Variants in FIG4 observed in about 807,000 individuals in gnomAD.
FIG4 encodes polyphosphoinositide phosphatase.
FIG4 carries 112 observed loss-of-function variants against 118.6 expected under a neutral mutation model. That is an observed-to-expected ratio of 0.94 (90% CI 0.81 to 1.11). The LOEUF is 1.11. Among genes scored for constraint, FIG4 ranks in the 50% least tolerant of loss-of-function variants. FIG4 has a pLI of 0.00. For synonymous variants in FIG4, 369 were observed against 381.2 expected, an observed-to-expected ratio of 0.97 and a Z score of 0.37; for missense variants, 969 against 1,111.7, an observed-to-expected ratio of 0.87 and a Z score of 1.83.
At chr6:109,755,512 G>T (rs1776861337) in intron 10 of FIG4, among the ~76,000 whole-genome samples, 1 of 152,136 alleles carries the variant, frequency 6.6e-6, no homozygotes, top group Non-Finnish European at 1.5e-5. Flanking sequence ...CTGTGACGTT[G>T]ATCTGTCTAA....
intron 10 of FIG4, among the ~76,000 whole-genome samples, chr6:109,750,986 G>A (rs1179183008): frequency 6.6e-6 from 1 of 152,094 alleles, no homozygotes; most frequent in African/African-American, 2.4e-5. Flanking sequence ...ATTTAACACT[G>A]TTCTTAATTC....
At chr6:109,790,187 C>T (rs1432027342) in intron 19 of FIG4, among the ~76,000 whole-genome samples, 1 of 152,136 alleles carries the variant, frequency 6.6e-6, no homozygotes, top group Non-Finnish European at 1.5e-5. Flanking sequence ...GCATGAGAAC[C>T]TCTTTCCCTT....
chr6:109,714,738 T>G (rs1775374899), intron 1 of FIG4, among the ~76,000 whole-genome samples: 1 of 152,196 alleles, frequency 6.6e-6, no homozygotes, highest in African/African-American at 2.4e-5. Context: ...AGCTTTAGAA[T>G]TTTTACCAGA....
intron 16 of FIG4, among the ~76,000 whole-genome samples, chr6:109,777,947 A>T (rs574047762): frequency 1.3e-4 from 20 of 152,322 alleles, no homozygotes; most frequent in African/African-American, 4.6e-4. Flanking sequence ...CACCTCACAG[A>T]GTCATTGTGA....
chr6:109,740,257 A>C (rs1389651561), intron 7 of FIG4, among the ~76,000 whole-genome samples: 1 of 152,086 alleles, frequency 6.6e-6, no homozygotes, highest in East Asian at 1.9e-4. Flanking sequence ...AAACATAGTA[A>C]ATGTTTGTTT....
At chr6:109,798,278 G>T (rs187140185) in intron 22 of FIG4, among the ~76,000 whole-genome samples, 2 of 152,186 alleles carry the variant, frequency 1.3e-5, no homozygotes, top group African/African-American at 2.4e-5. Context: ...GACTCAGAGA[G>T]TGGGGAACAA....
intron 22 of FIG4, among the ~76,000 whole-genome samples, chr6:109,815,919 A>G (rs1211064440): frequency 6.6e-6 from 1 of 152,018 alleles, no homozygotes; most frequent in Non-Finnish European, 1.5e-5. Context: ...AATTTTCCAC[A>G]TTTATACTTT....
At chr6:109,722,610 T>TTATATA (rs886396027) in intron 3 of FIG4, among the ~76,000 whole-genome samples, 2 of 150,330 alleles carry the variant, frequency 1.3e-5, no homozygotes, top group African/African-American at 2.4e-5. Flanking sequence ...TATAAGATTC[T>TTATATA]TATATATATA....
intron 16 of FIG4, among the ~76,000 whole-genome samples, chr6:109,778,826 C>G (rs1052515781): frequency 1.6e-4 from 25 of 152,124 alleles, no homozygotes; most frequent in Non-Finnish European, 3.5e-4. Context: ...GTCTTGATCT[C>G]CTGCCCTTGT....
At chr6:109,691,584 T>TA in intron 1 of FIG4, 83 bp downstream of exon 1, 1 of 1,180,912 alleles carries the variant, frequency 8.5e-7, no homozygotes, top group Non-Finnish European at 1.2e-6. Context: ...GAGGCTGTAC[T>TA]CTGCCTCCTC....
intron 5 of FIG4, among the ~76,000 whole-genome samples, chr6:109,733,399 A>C (rs1219859666): frequency 6.6e-6 from 1 of 152,110 alleles, no homozygotes; most frequent in Non-Finnish European, 1.5e-5. Context: ...TTATTGTGAT[A>C]GATGGAAAAT....
intron 3 of FIG4, 113 bp from the exon 4 acceptor site, chr6:109,726,996 C>G: frequency 1.2e-6 from 1 of 849,320 alleles, no homozygotes; most frequent in South Asian, 1.4e-5. Context: ...GGCTATAAAT[C>G]ATAGAAATAA....
intron 10 of FIG4, among the ~76,000 whole-genome samples, chr6:109,753,079 C>T (rs916435787): frequency 1.2e-4 from 19 of 152,106 alleles, no homozygotes; most frequent in African/African-American, 4.6e-4. Flanking sequence ...TTCCCAGCAC[C>T]ATTTATTAAA....
At chr6:109,776,896 T>G in intron 15 of FIG4, 26 bp from the exon 16 acceptor site, 1 of 1,586,486 alleles carries the variant, frequency 6.3e-7, no homozygotes, top group Non-Finnish European at 8.7e-7. Context: ...TAATGGATTT[T>G]CTGAAATATA....
intron 15 of FIG4, among the ~76,000 whole-genome samples, chr6:109,776,111 C>T (rs888805519): frequency 1.3e-5 from 2 of 152,048 alleles, no homozygotes; most frequent in Non-Finnish European, 2.9e-5. Flanking sequence ...GGAGAAAGAA[C>T]GAAGGACACT....
At chr6:109,692,749 T>C (rs1192766711) in intron 1 of FIG4, among the ~76,000 whole-genome samples, 1 of 151,744 alleles carries the variant, frequency 6.6e-6, no homozygotes, top group Admixed American at 6.6e-5. Flanking sequence ...CAGGCCGGAG[T>C]GCAGTGGTGC....
chr6:109,805,777 G>T (rs1778548690), intron 22 of FIG4, among the ~76,000 whole-genome samples: 1 of 152,060 alleles, frequency 6.6e-6, no homozygotes, highest in Non-Finnish European at 1.5e-5. Flanking sequence ...GTATATCAGA[G>T]AAATGTATTA....
intron 1 of FIG4, among the ~76,000 whole-genome samples, chr6:109,711,898 G>A (rs2128380656): frequency 6.6e-6 from 1 of 152,282 alleles, no homozygotes; most frequent in Non-Finnish European, 1.5e-5. Context: ...GGCTGAGAAT[G>A]GTCTTTCCTT....
intron 5 of FIG4, among the ~76,000 whole-genome samples, chr6:109,733,751 C>T (rs1317938540): frequency 2.6e-5 from 4 of 151,924 alleles, no homozygotes; most frequent in African/African-American, 7.2e-5. Flanking sequence ...TCGCCATCTT[C>T]TAGTTTTCAG....
Sources: gnomAD v4.1 joint callset for allele counts (sites outside exome capture counted in the v4.1 genomes callset) on GRCh38, gnomAD v4.1.1 for gene constraint, MANE v1.5 for transcripts, NCBI Gene and HGNC (gene_info 2026-07-23, HGNC 2026-07-21) for gene names.